SLC35F4: variants seen among roughly 807,000 people sequenced by gnomAD.
SLC35F4 encodes solute carrier family 35 member F4.
A neutral mutation model predicts 44.2 loss-of-function variants in SLC35F4; 24 were observed. The observed-to-expected ratio is 0.54, with a 90% confidence interval of 0.39 to 0.76. The LOEUF (loss-of-function observed/expected upper bound fraction) is 0.76. SLC35F4 is among the 30% of genes least tolerant of loss of function. The pLI is 0.00. For synonymous variants in SLC35F4, 238 were observed against 223.6 expected (o/e 1.06, Z -0.57); for missense variants, 562 against 586.1 (o/e 0.96, Z 0.42).
Position 57,594,866 on chromosome 14 carries a change from A to G in SLC35F4, c.104-742T>C, listed in dbSNP as rs534207945. ...AAATCATCCACCAGCCAACACCCCA[A>G]GAATCTCCAACCCCGGGTCAGCCTC... On this transcript the variant is annotated intron_variant, in intron 1 of 7. Coordinates refer to ENST00000556826, the MANE Select transcript of SLC35F4 (RefSeq NM_001306087.2). Among the ~76,000 whole-genome samples the G allele has an allele frequency of 2.0e-4, 30 of 152,318 alleles. 1 individual carries two copies. The highest frequency in any genetic ancestry group is 6.8e-3 in the Middle Eastern group (2 of 294).
chr14:57,585,741 GA>G (rs1243583410), intron 3 of SLC35F4, among the ~76,000 whole-genome samples: 49 of 152,218 alleles, frequency 3.2e-4, no homozygotes, highest in African/African-American at 1.2e-3. Flanking sequence ...TTGCTACAAA[GA>G]GAATAAAATA....
At position 57,962,472 on chromosome 14, in the gene SLC35F4, T is replaced by C. The variant is rs74055562; in HGVS notation, n.282+19441A>G. 3.3e-3 allele frequency among the ~76,000 whole-genome samples: 496 copies of C among 152,204 alleles called. 1 individual carries two copies. Among genetic ancestry groups the C allele is most frequent in the African/African-American group, 0.011 (474 of 41,542 alleles). On this transcript the variant is annotated intron_variant and non_coding_transcript_variant, in intron 1 of 1. Transcript: ENST00000556568. ...ATTCTCGGCCCTGCCTCAACCTAAA[T>C]TAGGAAAAGGAGCCCCTTCCTCAAG... is the stretch of plus-strand genomic sequence containing the variant.
In SLC35F4 at chr14:57,566,580, G is replaced by A. The variant is rs2068217043; in HGVS notation, c.1127-16C>T. Reference sequence around the variant, plus strand: ...ATGTTGAAGGCTGTAAAATAGAGGAGGAAATGCAAGATGAAAGAGAAATAA... The same window carrying A: ...ATGTTGAAGGCTGTAAAATAGAGGAAGAAATGCAAGATGAAAGAGAAATAA... On this transcript the variant is annotated splice_polypyrimidine_tract_variant and intron_variant, in intron 6 of 7. Transcript: ENST00000556826. The A allele has an allele frequency of 1.3e-6, 2 of 1,579,630 alleles. No homozygotes were observed. Among genetic ancestry groups the A allele is most frequent in the Admixed American group, 1.8e-5 (1 of 55,032 alleles).
At position 57,922,888 on chromosome 14, in the gene SLC35F4, A is replaced by G. The variant is rs532227781; in HGVS notation, n.282+59025T>C. Among the ~76,000 whole-genome samples the G allele has an allele frequency of 1.2e-4, 19 of 152,346 alleles. No individual in the cohort carries two copies. The East Asian group carries it at 3.7e-3, about 29-fold the overall frequency. ...CTGGGATTAGTAAAAATCCAGGGAG[A>G]TGAACTGTGTTGTCCAGCATTCTAA... On this transcript the variant is annotated intron_variant and non_coding_transcript_variant, in intron 1 of 1. Coordinates refer to the SLC35F4 transcript ENST00000556568.
chr14:57,914,525 T>C (rs1484499357), intron 1 of SLC35F4, among the ~76,000 whole-genome samples: 3 of 151,636 alleles, frequency 2.0e-5, no homozygotes, highest in Non-Finnish European at 4.4e-5. Flanking sequence ...ATCGCGCCAC[T>C]GCACTCCAGC....
intron 1 of SLC35F4, among the ~76,000 whole-genome samples, chr14:57,738,863 T>A (rs2076534363): frequency 1.3e-5 from 2 of 148,376 alleles, no homozygotes; most frequent in African/African-American, 4.9e-5. Flanking sequence ...AATTTAAACA[T>A]TATGAGATAT....
At chr14:57,641,923 T>C (rs2073260886) in intron 1 of SLC35F4, among the ~76,000 whole-genome samples, 2 of 152,012 alleles carry the variant, frequency 1.3e-5, no homozygotes, top group Admixed American at 6.6e-5. Context: ...AAAGCCATTA[T>C]TTGGGATTTA....
At chr14:57,948,747 C>G (rs547776704) in intron 1 of SLC35F4, among the ~76,000 whole-genome samples, 1 of 151,982 alleles carries the variant, frequency 6.6e-6, no homozygotes, top group Non-Finnish European at 1.5e-5. Context: ...TATTATCATT[C>G]GGTTCAAATA....
chr14:57,685,351 C>T (rs1382843358), intron 1 of SLC35F4, among the ~76,000 whole-genome samples: 3 of 151,886 alleles, frequency 2.0e-5, no homozygotes, highest in African/African-American at 7.3e-5. Flanking sequence ...ATGGTAGACT[C>T]CAAATTTATT....
At chr14:57,604,820 G>C (rs1028673563) in intron 1 of SLC35F4, among the ~76,000 whole-genome samples, 1 of 152,100 alleles carries the variant, frequency 6.6e-6, no homozygotes, top group Non-Finnish European at 1.5e-5. Flanking sequence ...ACAACCATCT[G>C]ATCTTTCACA....
At chr14:57,881,103 G>C (rs1566920345) in intron 1 of SLC35F4, among the ~76,000 whole-genome samples, 1 of 152,132 alleles carries the variant, frequency 6.6e-6, no homozygotes, top group Non-Finnish European at 1.5e-5. Context: ...ACTCTGATCT[G>C]TGTAGAGCCC....
chr14:57,567,697 A>C (rs2068276237), intron 6 of SLC35F4, among the ~76,000 whole-genome samples: 1 of 152,156 alleles, frequency 6.6e-6, no homozygotes, highest in African/African-American at 2.4e-5. Flanking sequence ...CTCCCCTCAG[A>C]CTCAGGGAGT....
chr14:57,723,413 T>C (rs368580560), intron 1 of SLC35F4, among the ~76,000 whole-genome samples: 101 of 152,342 alleles, frequency 6.6e-4, no homozygotes, highest in African/African-American at 2.0e-3. Context: ...CATCAAGGAC[T>C]TGAAAGATGC....
intron 1 of SLC35F4, among the ~76,000 whole-genome samples, chr14:57,606,319 T>A (rs1380200788): frequency 7.1e-6 from 1 of 140,186 alleles, no homozygotes; most frequent in Non-Finnish European, 1.6e-5. Context: ...CTATAATACT[T>A]ATATATTTCT....
At chr14:57,972,312 A>T (rs1881077847), downstream of SLC35F4, among the ~76,000 whole-genome samples, 1 of 152,082 alleles carries the variant, frequency 6.6e-6, no homozygotes, top group Non-Finnish European at 1.5e-5. Flanking sequence ...GGCTACATGG[A>T]AAGAGTTTGG....
At position 57,895,658 on chromosome 14, in the gene SLC35F4, C is replaced by T. The variant is rs553114253; in HGVS notation, n.282+86255G>A. ...TGCCATGGCAATACATGGTTGTTTT[C>T]GCTTCACCTTCTGCTATGATCGTAA... On this transcript the variant is annotated intron_variant and non_coding_transcript_variant, in intron 1 of 1. Transcript: ENST00000556568. 5.3e-5 allele frequency among the ~76,000 whole-genome samples: 8 copies of T among 152,046 alleles called. No homozygotes were observed. In the South Asian group the frequency reaches 6.3e-4, roughly 12 times the overall value.
intron 1 of SLC35F4, among the ~76,000 whole-genome samples, chr14:57,669,410 G>C (rs1158713118): frequency 4.6e-5 from 7 of 152,118 alleles, no homozygotes; most frequent in Non-Finnish European, 1.0e-4. Context: ...TCTTGTGCCA[G>C]TTTTGAAAAG....
chr14:57,608,581 G>A (rs916704412), intron 1 of SLC35F4, among the ~76,000 whole-genome samples: 5 of 152,136 alleles, frequency 3.3e-5, no homozygotes, highest in Non-Finnish European at 7.3e-5. Context: ...TCAGAACTGT[G>A]AGACAATACA....
chr14:57,764,554 A>G (rs1372125889), intron 1 of SLC35F4, among the ~76,000 whole-genome samples: 1 of 152,224 alleles, frequency 6.6e-6, no homozygotes, highest in Non-Finnish European at 1.5e-5. Context: ...CAGGAATTCT[A>G]AATTGCCTTT....
Sources: allele counts gnomAD v4.1 joint callset (sites outside exome capture counted in the v4.1 genomes callset), GRCh38; gene constraint gnomAD v4.1.1; transcripts MANE v1.5; gene names NCBI Gene and HGNC (gene_info 2026-07-23, HGNC 2026-07-21).